The following ATP13A4 variants were observed in gnomAD, a reference collection of about 807,000 sequenced individuals.
The protein encoded by ATP13A4 is probable cation-transporting ATPase 13A4.
Under a neutral mutation model 142.5 loss-of-function variants are expected in ATP13A4, and 114 were observed. That is an observed-to-expected ratio of 0.80 (90% CI 0.69 to 0.93). The LOEUF (loss-of-function observed/expected upper bound fraction) is 0.93. ATP13A4 is among the 40% of genes least tolerant of loss of function. The probability of loss-of-function intolerance (pLI) is 0.00; values close to 1 mark genes in which losing one functional copy is unlikely to be tolerated. For missense variants in ATP13A4, 1,392 were observed against 1,454.0 expected, an observed-to-expected ratio of 0.96 and a Z score of 0.69; for synonymous variants, 488 against 514.8, an observed-to-expected ratio of 0.95 and a Z score of 0.70.
intron 8 of ATP13A4, 145 bp from the exon 9 acceptor site, chr3:193,471,138 A>C: frequency 1.8e-6 from 2 of 1,126,258 alleles, no homozygotes; most frequent in Non-Finnish European, 2.6e-6. Context: ...TTGATTCAAA[A>C]TTTGAAAACA....
intron 2 of ATP13A4, among the ~76,000 whole-genome samples, chr3:193,576,777 G>C (rs1724406098): frequency 6.6e-6 from 1 of 152,174 alleles, no homozygotes. Flanking sequence ...ACCCGACCTG[G>C]AGGCTAAGCA....
chr3:193,490,271 G>A (rs975473171), intron 6 of ATP13A4, among the ~76,000 whole-genome samples: 6 of 152,202 alleles, frequency 3.9e-5, no homozygotes, highest in Non-Finnish European at 7.4e-5. Context: ...TTGACATGTC[G>A]GCCATCACAA....
chr3:193,416,271 G>T (rs1715058085), intron 25 of ATP13A4, among the ~76,000 whole-genome samples: 1 of 152,126 alleles, frequency 6.6e-6, no homozygotes, highest in African/African-American at 2.4e-5. Flanking sequence ...AATAGGAGAA[G>T]AATCTAATTT....
chr3:193,489,460 T>C (rs1282116406), intron 7 of ATP13A4, among the ~76,000 whole-genome samples: 1 of 152,154 alleles, frequency 6.6e-6, no homozygotes, highest in East Asian at 1.9e-4. Flanking sequence ...ATATTCACAA[T>C]TCATAAACCT....
At chr3:193,422,559 A>G (rs4368445) in intron 25 of ATP13A4, among the ~76,000 whole-genome samples, 81,026 of 149,158 alleles carry the variant, frequency 0.54, 23,910 homozygotes, top group Non-Finnish European at 0.59. Flanking sequence ...ATGAAACTAT[A>G]AATCAATGAC....
chr3:193,466,033 G>T lies in ATP13A4; in HGVS notation c.1264C>A (p.Leu422Ile). ...GMIYTLCVYVLSGEPPEEVVR... is the reference protein window; with the variant it reads ...GMIYTLCVYVISGEPPEEVVR... ...GAGCAAAGACAGCTTACCCCACTAA[G>T]CACATAGACACACAGAGTATAGATC... Residue 422 changes from leucine (L) to isoleucine (I), a missense_variant, in exon 11 of 30, where the codon CTT (leucine) becomes ATT (isoleucine). Coordinates refer to ENST00000342695, the MANE Select transcript of ATP13A4 (RefSeq NM_032279.4). 1 of 1,614,110 alleles carries T rather than the reference G, an allele frequency of 6.2e-7. No individual in the cohort carries two copies. Among genetic ancestry groups the T allele is most frequent in the South Asian group, 1.1e-5 (1 of 91,074 alleles).
intron 1 of ATP13A4, among the ~76,000 whole-genome samples, chr3:193,541,336 A>T (rs1252326851): frequency 2.1e-5 from 3 of 142,140 alleles, no homozygotes; most frequent in Non-Finnish European, 4.5e-5. Flanking sequence ...TTTTACAAAG[A>T]TATTATCTGA....
At chr3:193,575,111 G>A (rs1724364481) in intron 2 of ATP13A4, among the ~76,000 whole-genome samples, 1 of 152,272 alleles carries the variant, frequency 6.6e-6, no homozygotes, top group African/African-American at 2.4e-5. Flanking sequence ...CTAGCCATGT[G>A]GATATACCAT....
chr3:193,442,260 T>C (rs576752123), intron 19 of ATP13A4, 133 bp downstream of exon 19: 3 of 921,624 alleles, frequency 3.3e-6, no homozygotes, highest in South Asian at 1.5e-5. Context: ...GAAAAACCAA[T>C]GTAACTGAGT....
intron 2 of ATP13A4, among the ~76,000 whole-genome samples, chr3:193,563,507 C>T (rs569266475): frequency 6.6e-6 from 1 of 152,314 alleles, no homozygotes; most frequent in South Asian, 2.1e-4. Context: ...ATTTCATCCA[C>T]TTTAGCCAGG....
At chr3:193,551,636 T>A (rs1723571585) in intron 1 of ATP13A4, among the ~76,000 whole-genome samples, 1 of 152,166 alleles carries the variant, frequency 6.6e-6, no homozygotes, top group Non-Finnish European at 1.5e-5. Flanking sequence ...ACTCTGTGAG[T>A]CTGGTGGGGG....
At chr3:193,465,194 C>CTTTTTTTTTTTTTTTTTTTTTTTTTTT (rs374314805) in intron 11 of ATP13A4, 66 bp from the exon 12 acceptor site, 1 of 1,173,034 alleles carries the variant, frequency 8.5e-7, no homozygotes. Context: ...GACTCTTTGC[C>CTTTTTTTTTTTTTTTTTTTTTTTTTTT]TTTTTTTTTT....
chr3:193,584,245 G>A (rs1724626761), intron 1 of ATP13A4, among the ~76,000 whole-genome samples: 1 of 152,176 alleles, frequency 6.6e-6, no homozygotes, highest in African/African-American at 2.4e-5. Flanking sequence ...AGCGGAGGTG[G>A]AAGGATTAGC....
intron 28 of ATP13A4, 64 bp downstream of exon 28, chr3:193,410,918 G>T: frequency 1.9e-6 from 2 of 1,073,380 alleles, no homozygotes; most frequent in Non-Finnish European, 2.9e-6. Flanking sequence ...ATTGTGATCT[G>T]CTTTTTAAAG....
intron 3 of ATP13A4, among the ~76,000 whole-genome samples, chr3:193,496,416 C>T (rs1024934219): frequency 3.3e-5 from 5 of 152,158 alleles, no homozygotes; most frequent in African/African-American, 1.2e-4. Flanking sequence ...GAAACGAATT[C>T]ACACACTTGC....
rs541452341 is a variant in ATP13A4, at chr3:193,490,841, C to T, written c.603+488G>A. Among the ~76,000 whole-genome samples, 18 of 152,168 alleles carry T rather than the reference C, an allele frequency of 1.2e-4. No homozygotes were observed. The South Asian group carries it at 2.3e-3, about 19-fold the overall frequency. ...TAGAGGGCTACGGTTTGATAATAAT[C>T]GCTGTAAAGTGAAACAATGATGAGC... On this transcript the variant is annotated intron_variant, in intron 6 of 29. Transcript: ENST00000342695.
intron 1 of ATP13A4, among the ~76,000 whole-genome samples, chr3:193,551,229 C>T (rs576670266): frequency 1.7e-4 from 26 of 152,194 alleles, no homozygotes; most frequent in Middle Eastern, 3.4e-3. Context: ...CTGGCCAACA[C>T]GGTGAAACAC....
intron 1 of ATP13A4, among the ~76,000 whole-genome samples, chr3:193,546,705 C>A (rs1307357026): frequency 1.3e-5 from 2 of 152,174 alleles, no homozygotes; most frequent in Non-Finnish European, 2.9e-5. Flanking sequence ...ACTAAAGTAG[C>A]ACTTCCAAAA....
intron 9 of ATP13A4, 127 bp downstream of exon 9, chr3:193,470,732 T>C: frequency 1.5e-6 from 2 of 1,365,210 alleles, no homozygotes; most frequent in East Asian, 2.3e-5. Context: ...AACGGGAAGG[T>C]CCCATAGCAG....
Sources: gnomAD v4.1 joint callset for allele counts (sites outside exome capture counted in the v4.1 genomes callset) on GRCh38, gnomAD v4.1.1 for gene constraint, MANE v1.5 for transcripts, NCBI Gene and HGNC (gene_info 2026-07-23, HGNC 2026-07-21) for gene names.